Variants in MCHR2 observed in about 807,000 individuals in gnomAD.
MCHR2 encodes melanin concentrating hormone receptor 2.
A neutral mutation model predicts 24.8 loss-of-function variants in MCHR2; 15 were observed. The observed-to-expected ratio is 0.60, with a 90% CI of 0.40 to 0.93. The LOEUF is 0.93. Ranked by LOEUF, MCHR2 falls within the 40% of genes least tolerant of loss-of-function variation. MCHR2 has a pLI of 0.00. For missense variants in MCHR2, 386 were observed against 408.7 expected (o/e 0.94, Z 0.48); for synonymous variants, 151 against 147.6 (o/e 1.02, Z -0.17).
intron 1 of MCHR2, among the ~76,000 whole-genome samples, chr6:99,971,076 T>G (rs576391097): frequency 6.6e-6 from 1 of 152,126 alleles, no homozygotes; most frequent in Non-Finnish European, 1.5e-5. Context: ...AACTTTAAAG[T>G]AGTTTTTTCC....
At chr6:99,956,718 G>A (rs1775069476) in intron 1 of MCHR2, among the ~76,000 whole-genome samples, 1 of 152,116 alleles carries the variant, frequency 6.6e-6, no homozygotes, top group South Asian at 2.1e-4. Context: ...AGGGAAAAGC[G>A]TTGTAGCCAG....
intron 5 of MCHR2, among the ~76,000 whole-genome samples, chr6:99,931,409 G>A (rs1441331211): frequency 6.6e-6 from 1 of 152,196 alleles, no homozygotes; most frequent in Admixed American, 6.5e-5. Flanking sequence ...GGTTACTGCT[G>A]TCTTTTTGTT....
At chr6:99,943,520 G>A (rs1029239753) in intron 3 of MCHR2, among the ~76,000 whole-genome samples, 1 of 150,964 alleles carries the variant, frequency 6.6e-6, no homozygotes, top group Admixed American at 6.6e-5. Flanking sequence ...AGAGTGTGAT[G>A]TTCCCCTTCC....
chr6:99,927,477 G>C (rs373382734), intron 5 of MCHR2, among the ~76,000 whole-genome samples: 1 of 152,288 alleles, frequency 6.6e-6, no homozygotes, highest in South Asian at 2.1e-4. Flanking sequence ...AGCATGGAAT[G>C]TTCTTCCATT....
At chr6:99,956,382 C>G (rs1035487066) in intron 1 of MCHR2, among the ~76,000 whole-genome samples, 1 of 152,106 alleles carries the variant, frequency 6.6e-6, no homozygotes, top group Non-Finnish European at 1.5e-5. Context: ...TACAGAACAA[C>G]TTGAGAAGCA....
intron 1 of MCHR2, among the ~76,000 whole-genome samples, chr6:99,958,531 T>C (rs1410057441): frequency 6.6e-6 from 1 of 151,610 alleles, no homozygotes; most frequent in Non-Finnish European, 1.5e-5. Context: ...AAAATTTGAT[T>C]ACAATGAAAA....
intron 5 of MCHR2, among the ~76,000 whole-genome samples, chr6:99,930,217 C>G (rs1172162326): frequency 6.7e-6 from 1 of 149,638 alleles, no homozygotes. Flanking sequence ...CGCTGTTAGT[C>G]TGATGGGCTT....
chr6:99,971,651 G>C (rs1209821914), intron 1 of MCHR2, among the ~76,000 whole-genome samples: 1 of 151,300 alleles, frequency 6.6e-6, no homozygotes, highest in African/African-American at 2.5e-5. Flanking sequence ...TTTTCAAAGG[G>C]AATGCTTCCA....
intron 4 of MCHR2, among the ~76,000 whole-genome samples, chr6:99,938,574 C>T (rs1000630640): frequency 1.3e-5 from 2 of 151,964 alleles, no homozygotes; most frequent in Non-Finnish European, 2.9e-5. Context: ...ATAACTTCTA[C>T]TTTTTTGAAT....
intron 4 of MCHR2, among the ~76,000 whole-genome samples, chr6:99,941,496 A>G (rs1774770804): frequency 6.6e-6 from 1 of 152,038 alleles, no homozygotes; most frequent in South Asian, 2.1e-4. Flanking sequence ...CAAAATTCCT[A>G]TGTTGAAAAC....
At chr6:99,968,909 A>T (rs1377163597) in intron 1 of MCHR2, among the ~76,000 whole-genome samples, 1 of 152,186 alleles carries the variant, frequency 6.6e-6, no homozygotes, top group Non-Finnish European at 1.5e-5. Context: ...GAAATTTAAA[A>T]ATATATTGAA....
chr6:99,941,030 A>G (rs1392980252), intron 4 of MCHR2, among the ~76,000 whole-genome samples: 1 of 152,078 alleles, frequency 6.6e-6, no homozygotes, highest in East Asian at 1.9e-4. Context: ...TCCAGAACTT[A>G]TGATACTTCC....
At chr6:99,937,001 T>G (rs552297670) in intron 4 of MCHR2, among the ~76,000 whole-genome samples, 11 of 152,104 alleles carry the variant, frequency 7.2e-5, no homozygotes, top group African/African-American at 2.6e-4. Context: ...TTCTGATTTC[T>G]TTGTCAGATT....
In MCHR2 at chr6:99,919,507, G is replaced by T. The variant is rs1314366812; in HGVS notation, c.*1433C>A. ...TAATGTATTTAGATGAAGAAGGTGG[G>T]TTTACAGACTTTATCCACAAGCAAA... On this transcript the variant is annotated 3_prime_UTR_variant, in exon 6 of 6. Coordinates refer to ENST00000281806, the MANE Select transcript of MCHR2 (RefSeq NM_001040179.2). Among the ~76,000 whole-genome samples the T allele has an allele frequency of 6.6e-6, 1 of 152,112 alleles. No homozygotes were observed. Among genetic ancestry groups the T allele is most frequent in the Admixed American group, 6.5e-5 (1 of 15,276 alleles).
At chr6:99,993,242 G>C (rs1329153293) in intron 1 of MCHR2, among the ~76,000 whole-genome samples, 3 of 152,172 alleles carry the variant, frequency 2.0e-5, no homozygotes, top group African/African-American at 7.2e-5. Flanking sequence ...AGAAGCCCCA[G>C]CTGAGTTGCA....
chr6:99,940,288 T>C (rs1394213321), intron 4 of MCHR2, among the ~76,000 whole-genome samples: 1 of 152,100 alleles, frequency 6.6e-6, no homozygotes, highest in Non-Finnish European at 1.5e-5. Flanking sequence ...TTTCATTCCT[T>C]TTTCTGACTG....
rs201181179 is a variant in MCHR2 at position 99,956,042 on chromosome 6, T to A, written c.106A>T (p.Ile36Phe). The change falls in exon 2 of 6, where the codon ATC becomes TTC. Residue 36 changes from isoleucine (I) to phenylalanine (F), a missense_variant. Physicochemically the swap from Ile to Phe is conservative, Grantham distance 21. Transcript: ENST00000281806. The part of the protein sequence containing the change: ...YQTASVVDTV[I>F]LPSMIGIICS... ...ATAATCCCAATCATGGAAGGGAGGA[T>A]GACTGTATCTACCACACTGGCAGTT... 41 of 1,613,324 alleles carry A rather than the reference T, an allele frequency of 2.5e-5. No homozygotes were observed. Among genetic ancestry groups the A allele is most frequent in the Non-Finnish European group, 3.5e-5 (41 of 1,179,622 alleles).
rs544937754 is a variant in MCHR2, at chr6:99,973,137, T to C, written c.-27-16963A>G. Among the ~76,000 whole-genome samples the C allele has an allele frequency of 3.5e-3, 531 of 151,956 alleles. 3 individuals carry two copies. Among genetic ancestry groups the C allele is most frequent in the African/African-American group, 0.012 (509 of 41,440 alleles). On this transcript the variant is annotated intron_variant, in intron 1 of 5. Coordinates refer to ENST00000281806, the MANE Select transcript of MCHR2 (RefSeq NM_001040179.2). The stretch of plus-strand genomic sequence containing the variant: ...TATCCTTGTTGACTTTCTGTCTCGT[T>C]GATCTGTCTAATGTTGACAGTGGGG...
chr6:99,973,740 T>C (rs1400868355), intron 1 of MCHR2, among the ~76,000 whole-genome samples: 11 of 152,234 alleles, frequency 7.2e-5, no homozygotes, highest in Admixed American at 7.2e-4. Context: ...TCAGGAGCTC[T>C]TGTAGGGCAG....
Sources: gnomAD v4.1 joint callset for allele counts (sites outside exome capture counted in the v4.1 genomes callset) on GRCh38, gnomAD v4.1.1 for gene constraint, MANE v1.5 for transcripts, NCBI Gene and HGNC (gene_info 2026-07-23, HGNC 2026-07-21) for gene names.